The following NFIC variants were observed in gnomAD, a reference collection of about 807,000 sequenced individuals.
The protein encoded by NFIC is nuclear factor 1 C-type.
A neutral mutation model predicts 54.4 loss-of-function variants in NFIC; 12 were observed. The observed-to-expected ratio is 0.22, with a 90% CI of 0.14 to 0.36. The LOEUF is 0.36. NFIC is among the 10% of genes least tolerant of loss of function. The pLI is 1.00. For missense variants in NFIC, 575 were observed against 718.2 expected (o/e 0.80, Z 2.28); for synonymous variants, 322 against 319.2 (o/e 1.01, Z -0.09).
rs923264890 is a variant in NFIC at position 3,390,810 on chromosome 19, A to C, written c.562+8567A>C. Among the ~76,000 whole-genome samples, 7 of 147,332 alleles carry C rather than the reference A, an allele frequency of 4.8e-5. 1 individual carries two copies. Among genetic ancestry groups the C allele is most frequent in the Non-Finnish European group, 1.0e-4 (7 of 66,760 alleles). ...GTGATTCCACTCCTAGGAGGTCCAT[A>C]GAGTCGCCAGATTCACAGAGACAGA... On this transcript the variant is annotated intron_variant, in intron 2 of 10. Transcript: ENST00000443272.
At position 3,369,991 on chromosome 19, in the gene NFIC, C is replaced by A. The variant is rs1412418954; in HGVS notation, c.30+3325C>A. Among the ~76,000 whole-genome samples the A allele has an allele frequency of 6.6e-6, 1 of 152,188 alleles. No homozygotes were observed. The highest frequency in any genetic ancestry group is 1.5e-5 in the Non-Finnish European group (1 of 68,016). ...GAGAGGCTGTCCTCCCACCCCAGAC[C>A]CCCGACCTTTGTTGGATTTTCTAGA... is the stretch of plus-strand genomic sequence containing the variant. On this transcript the variant is annotated intron_variant, in intron 1 of 10. Transcript: ENST00000443272. The surrounding 1 kb of genome is among the most constrained non-coding windows in gnomAD (Gnocchi z 4.3).
chr19:3,415,002 G>A (rs1251240476), intron 2 of NFIC, among the ~76,000 whole-genome samples: 1 of 151,872 alleles, frequency 6.6e-6, no homozygotes, highest in East Asian at 1.9e-4. Context: ...GCCACACCCG[G>A]CTAATTTTTG....
intron 3 of NFIC, among the ~76,000 whole-genome samples, chr19:3,430,931 CAA>C (rs59760975): frequency 1.6e-4 from 13 of 80,110 alleles, no homozygotes; most frequent in Non-Finnish European, 1.5e-4. Context: ...GACTCCGTCT[CAA>C]AAAAAAAAAA....
rs768921539 is a variant in NFIC, at chr19:3,456,616, C to A, written c.1490C>A (p.Ala497Glu). 1 of 1,425,322 alleles carries A rather than the reference C, an allele frequency of 7.0e-7. No homozygotes were observed. The highest frequency in any genetic ancestry group is 1.2e-5 in the South Asian group (1 of 82,514). The allele number at this position is 1,425,322 out of a possible 1,614,324, so 88.3% of individuals were successfully genotyped here. The change falls in exon 10 of 11, where the codon GCG becomes GAG. Residue 497 changes from alanine to glutamate, a missense_variant. This residue lies in a region of NFIC where 447 missense variants were observed against 526.9 expected (regional missense o/e 0.85). Coordinates refer to ENST00000443272, the MANE Select transcript of NFIC (RefSeq NM_001245002.2). ...SFVGLGPRDP[A>E]GIYQAQSWYL... ...GTGGGATTAGGACCAAGGGATCCTG[C>A]GGGCATTTATCAGGCACAGGTAGGG...
intron 2 of NFIC, among the ~76,000 whole-genome samples, chr19:3,401,340 G>A (rs546069986): frequency 5.2e-4 from 79 of 152,276 alleles, no homozygotes; most frequent in African/African-American, 1.4e-3. Context: ...GTGAGGGCAG[G>A]AGCTGGGGAC....
chr19:3,404,567 C>T (rs1462014679), intron 2 of NFIC, among the ~76,000 whole-genome samples: 1 of 151,848 alleles, frequency 6.6e-6, no homozygotes, highest in Non-Finnish European at 1.5e-5. Flanking sequence ...CCAGAGGCTC[C>T]CTTGTCACCT....
At position 3,462,957 on chromosome 19, in the gene NFIC, C is replaced by CAGAAGA. The variant is rs926546201; in HGVS notation, c.*202_*207dup. ...TCAGGAGGAAAAGAAAAAACAAAGG[C>CAGAAGA]AGAAGAAGAAGAAGAAGAAATAAAA... On this transcript the variant is annotated 3_prime_UTR_variant, in exon 11 of 11. Coordinates refer to ENST00000443272, the MANE Select transcript of NFIC (RefSeq NM_001245002.2). The CAGAAGA allele has an allele frequency of 5.6e-6, 8 of 1,428,328 alleles. No individual in the cohort carries two copies. The highest frequency in any genetic ancestry group is 2.6e-5 in the East Asian group (1 of 38,714). 88.5% of individuals were successfully genotyped at this position (1,428,328 alleles called of 1,614,324 possible).
At chr19:3,433,716 A>C in intron 4 of NFIC, 124 bp downstream of exon 4, 1 of 1,105,424 alleles carries the variant, frequency 9.0e-7, no homozygotes, top group Non-Finnish European at 1.3e-6. Flanking sequence ...TCACTAAGCC[A>C]AGGTTCCTAG....
chr19:3,375,566 G>A lies in NFIC; in HGVS notation c.31-6146G>A, dbSNP rs2081091597. 6.6e-6 allele frequency among the ~76,000 whole-genome samples: 1 copy of A among 152,262 alleles called. No individual in the cohort carries two copies. On this transcript the variant is annotated intron_variant, in intron 1 of 10. Transcript: ENST00000443272. This position sits in a 1 kb window ranked among gnomAD's most constrained non-coding sequence, Gnocchi z 4.6. ...TTGCCTTAGCAGGTTGGCTGGGGAA[G>A]CGGGGGCAGCGGAAAAGGGCCCTGA... is the stretch of plus-strand genomic sequence containing the variant.
upstream of NFIC, among the ~76,000 whole-genome samples, chr19:3,366,376 GAGAGAGAC>G (rs1009817231): frequency 7.3e-5 from 11 of 150,854 alleles, no homozygotes; most frequent in Non-Finnish European, 1.0e-4. Context: ...AGAGGGTAGA[GAGAGAGAC>G]AGAGAGACAG....
intron 2 of NFIC, among the ~76,000 whole-genome samples, chr19:3,389,654 T>G (rs2081348983): frequency 6.6e-6 from 1 of 152,086 alleles, no homozygotes. Flanking sequence ...TTGGAGTCAG[T>G]GGTCTCTGAG....
chr19:3,390,574 G>A (rs890130166), intron 2 of NFIC, among the ~76,000 whole-genome samples: 2 of 152,152 alleles, frequency 1.3e-5, no homozygotes, highest in African/African-American at 4.8e-5. Context: ...CATCAAATGG[G>A]GATGATAATA....
chr19:3,444,371 G>A (rs1345257381), intron 6 of NFIC, among the ~76,000 whole-genome samples: 1 of 152,242 alleles, frequency 6.6e-6, no homozygotes, highest in Admixed American at 6.5e-5. Flanking sequence ...AGGATGCCGG[G>A]AGGGGCGTAT....
intron 6 of NFIC, among the ~76,000 whole-genome samples, chr19:3,437,867 C>T (rs1012911736): frequency 3.3e-5 from 5 of 151,718 alleles, no homozygotes; most frequent in African/African-American, 4.8e-5. Context: ...TTAGTAGAGA[C>T]GGTTTTTACT....
chr19:3,404,011 C>G (rs1037563640), intron 2 of NFIC, among the ~76,000 whole-genome samples: 7 of 151,984 alleles, frequency 4.6e-5, no homozygotes, highest in African/African-American at 9.7e-5. Context: ...CCTTCTCCAC[C>G]CCCCCAGCCC....
chr19:3,429,146 C>T (rs1462340543), intron 3 of NFIC, among the ~76,000 whole-genome samples: 2 of 121,404 alleles, frequency 1.6e-5, no homozygotes, highest in South Asian at 2.9e-4. Context: ...TACACACACA[C>T]ACACACACAC....
At position 3,452,806 on chromosome 19, in the gene NFIC, T is replaced by C; in HGVS notation, c.1269+140T>C. ...TCTGAAGTCCCCTCCTCTGTCGTGC[T>C]GGGAGGCAGCTGGATTGGGTCAGAA... On this transcript the variant is annotated intron_variant, in intron 8 of 10. Transcript: ENST00000443272. This position sits in a 1 kb window ranked among gnomAD's most constrained non-coding sequence, Gnocchi z 5.3. 9.4e-7 allele frequency: 1 copy of C among 1,061,264 alleles called. No homozygotes were observed. The highest frequency in any genetic ancestry group is 1.3e-6 in the Non-Finnish European group (1 of 748,830). The allele number at this position is 1,061,264 out of a possible 1,614,324, so 65.7% of individuals were successfully genotyped here.
At chr19:3,418,260 C>G (rs1354499718) in intron 2 of NFIC, among the ~76,000 whole-genome samples, 2 of 151,916 alleles carry the variant, frequency 1.3e-5, no homozygotes, top group Non-Finnish European at 2.9e-5. Context: ...CTACACCCAG[C>G]TAACTTTTGT....
At chr19:3,366,529 CGGGGCGGGGGGGGGGGTTGGGGG>C, upstream of NFIC, 1 of 342,218 alleles carries the variant, frequency 2.9e-6, no homozygotes, top group South Asian at 7.1e-5. Context: ...GCGCCGGCCG[CGGGGCGGGGGGGGGGGTTGGGGG>C]GGGCGGGGGG....
Sources: gnomAD v4.1 joint callset for allele counts (sites outside exome capture counted in the v4.1 genomes callset) on GRCh38, gnomAD v4.1.1 for gene constraint, gnomAD v4.1.1 regional missense constraint, Gnocchi (gnomAD v3.1) non-coding constraint, MANE v1.5 for transcripts, NCBI Gene and HGNC (gene_info 2026-07-23, HGNC 2026-07-21) for gene names.